PPEF2: variants seen among roughly 807,000 people sequenced by gnomAD.
The protein encoded by PPEF2 is serine/threonine-protein phosphatase with EF-hands 2.
A neutral mutation model predicts 84.7 loss-of-function variants in PPEF2; 84 were observed. That is an observed-to-expected ratio of 0.99 (90% CI 0.83 to 1.19). The LOEUF is 1.19. PPEF2 is among the 50% of genes most tolerant of loss of function. PPEF2 has a pLI of 0.00. For synonymous variants in PPEF2, 346 were observed against 345.2 expected (o/e 1.00, Z -0.03); for missense variants, 924 against 937.5 (o/e 0.99, Z 0.19).
intron 10 of PPEF2, among the ~76,000 whole-genome samples, chr4:75,877,821 C>G (rs1724469078): frequency 6.6e-6 from 1 of 151,992 alleles, no homozygotes; most frequent in South Asian, 2.1e-4. Context: ...AAGTATTGAT[C>G]TGCAACAAAT....
intron 11 of PPEF2, among the ~76,000 whole-genome samples, chr4:75,875,821 C>T (rs1724392968): frequency 6.6e-6 from 1 of 152,096 alleles, no homozygotes; most frequent in Admixed American, 6.6e-5. Context: ...TTTGGGGTGG[C>T]AGGGTGCCTC....
intron 13 of PPEF2, among the ~76,000 whole-genome samples, chr4:75,868,240 C>T (rs6842665): frequency 0.99 from 144,101 of 145,354 alleles, 71,443 homozygotes; most frequent in Middle Eastern, 1. Context: ...CACTTGAACC[C>T]AGGAGGTAGA....
At chr4:75,881,437 G>A (rs971349727) in intron 10 of PPEF2, 2 of 152,106 alleles carry the variant, frequency 1.3e-5, no homozygotes, top group East Asian at 1.9e-4. Flanking sequence ...AAGCATGATT[G>A]TGTGTGACTG....
At chr4:75,864,911 C>T (rs1044225829) in intron 15 of PPEF2, among the ~76,000 whole-genome samples, 10 of 152,072 alleles carry the variant, frequency 6.6e-5, no homozygotes, top group Admixed American at 2.0e-4. Context: ...TTCATATACA[C>T]CTTATACATC....
At chr4:75,898,368 T>C (rs1402196091) in intron 1 of PPEF2, among the ~76,000 whole-genome samples, 1 of 152,258 alleles carries the variant, frequency 6.6e-6, no homozygotes, top group Non-Finnish European at 1.5e-5. Flanking sequence ...AACTCTGTGC[T>C]TTAACTACCA....
intron 13 of PPEF2, among the ~76,000 whole-genome samples, chr4:75,869,611 C>T (rs111955246): frequency 0.023 from 3,549 of 152,232 alleles, 144 homozygotes; most frequent in African/African-American, 0.08. Context: ...CTTTGGGAGG[C>T]CAAGGCAGGA....
At chr4:75,869,980 C>G (rs1021312419) in intron 13 of PPEF2, among the ~76,000 whole-genome samples, 3 of 152,184 alleles carry the variant, frequency 2.0e-5, no homozygotes, top group African/African-American at 7.2e-5. Flanking sequence ...ATGCTTCATA[C>G]AGTTGAAGTC....
intron 10 of PPEF2, chr4:75,881,721 G>A (rs1189695111): frequency 6.6e-6 from 1 of 152,204 alleles, no homozygotes; most frequent in Non-Finnish European, 1.5e-5. Flanking sequence ...CCACACATTA[G>A]GGGTGGCAGA....
chr4:75,868,854 T>A (rs1481345189), intron 13 of PPEF2, among the ~76,000 whole-genome samples: 3 of 151,578 alleles, frequency 2.0e-5, no homozygotes, highest in Admixed American at 6.6e-5. Context: ...AAAAAACTTT[T>A]AAAAATTAGC....
At chr4:75,891,035 T>C (rs531945743) in intron 4 of PPEF2, among the ~76,000 whole-genome samples, 1 of 152,076 alleles carries the variant, frequency 6.6e-6, no homozygotes, top group East Asian at 1.9e-4. Context: ...ATATAAAAAA[T>C]CAGCCAGGTG....
At chr4:75,876,832 C>T (rs1387672233) in intron 10 of PPEF2, among the ~76,000 whole-genome samples, 159 bp from the exon 11 acceptor site, 2 of 151,350 alleles carry the variant, frequency 1.3e-5, no homozygotes, top group Middle Eastern at 3.4e-3. Flanking sequence ...ATGGCAAGAC[C>T]GTGTCTCTAC....
At position 75,860,831 on chromosome 4, in the gene PPEF2, G is replaced by C; in HGVS notation, c.2098C>G (p.Leu700Val). ...TTGTTGAAATCAATGCTCCGAGCAA[G>C]GTCACAGATGCAGTCATCTGTAATG... ...IDITDDCICD[L>V]ARSIDFNKDG... Residue 700 changes from leucine to valine, a missense_variant, in exon 17 of 17, where the codon CTT becomes GTT. By Grantham distance (32) the Leu-to-Val change is conservative. Transcript: ENST00000286719. 6.2e-7 allele frequency: 1 copy of C among 1,614,238 alleles called. No homozygotes were observed. Among genetic ancestry groups the C allele is most frequent in the Admixed American group, 1.7e-5 (1 of 60,026 alleles).
chr4:75,892,117 G>A (rs747710009), intron 2 of PPEF2, 139 bp from the exon 3 acceptor site: 48 of 1,126,432 alleles, frequency 4.3e-5, no homozygotes, highest in Middle Eastern at 3.0e-4. Context: ...ACCCATTGAC[G>A]CCCATAGGAA....
rs1308351732 is a variant in PPEF2, at chr4:75,863,386, G to A, written c.2008+1054C>T. Among the ~76,000 whole-genome samples, 7 of 151,156 alleles carry A rather than the reference G, an allele frequency of 4.6e-5. No individual in the cohort carries two copies. The South Asian group carries it at 1.0e-3, about 23-fold the overall frequency. On this transcript the variant is annotated intron_variant, in intron 16 of 16. Transcript: ENST00000286719. ...GTGGTGGCACACGCCTGTAGTCCTA[G>A]CTACTCAGGAGGCTGAGGCAGGAGA...
At chr4:75,877,677 T>C (rs1010534253) in intron 10 of PPEF2, among the ~76,000 whole-genome samples, 11 of 152,248 alleles carry the variant, frequency 7.2e-5, no homozygotes, top group African/African-American at 2.4e-4. Context: ...TTTCTCTTTT[T>C]TTTTTTTAAC....
chr4:75,861,740 G>T (rs1232741962), intron 16 of PPEF2, among the ~76,000 whole-genome samples: 1 of 140,570 alleles, frequency 7.1e-6, no homozygotes, highest in South Asian at 2.7e-4. Context: ...CTCCCGAGTA[G>T]CTGGGACTAC....
At chr4:75,864,224 TGTC>T (rs1724075313) in intron 16 of PPEF2, among the ~76,000 whole-genome samples, 1 of 152,202 alleles carries the variant, frequency 6.6e-6, no homozygotes, top group African/African-American at 2.4e-5. Context: ...TCATTCAGTT[TGTC>T]TTCATTCTTC....
At chr4:75,874,468 G>T (rs533023847) in intron 11 of PPEF2, among the ~76,000 whole-genome samples, 26 of 151,738 alleles carry the variant, frequency 1.7e-4, no homozygotes, top group African/African-American at 6.0e-4. Context: ...GCTAATTTTT[G>T]TATTTTTTAG....
chr4:75,873,434 T>C (rs1398744395), intron 11 of PPEF2, 122 bp from the exon 12 acceptor site: 30 of 928,664 alleles, frequency 3.2e-5, no homozygotes, highest in Middle Eastern at 2.5e-4. Flanking sequence ...TAAATGTCCA[T>C]GCAAGCAATA....
Sources: allele counts gnomAD v4.1 joint callset (sites outside exome capture counted in the v4.1 genomes callset), GRCh38; gene constraint gnomAD v4.1.1; transcripts MANE v1.5; gene names NCBI Gene and HGNC (gene_info 2026-07-23, HGNC 2026-07-21).